DNASE1: variants seen among roughly 807,000 people sequenced by gnomAD.
The protein encoded by DNASE1 is deoxyribonuclease 1.
DNASE1 carries 40 observed loss-of-function variants against 33.9 expected under a neutral mutation model. The observed-to-expected ratio is 1.18, with a 90% CI of 0.92 to 1.54. DNASE1 has a LOEUF of 1.54. Ranked by LOEUF, DNASE1 falls within the 40% of genes most tolerant of loss-of-function variation. The pLI is 0.00. For missense variants in DNASE1, 518 were observed against 372.6 expected, an observed-to-expected ratio of 1.39 and a Z score of -3.21; for synonymous variants, 216 against 160.0, an observed-to-expected ratio of 1.35 and a Z score of -2.64.
At chr16:3,622,993 A>T (rs983156268) in intron 1 of DNASE1, among the ~76,000 whole-genome samples, 1 of 152,096 alleles carries the variant, frequency 6.6e-6, no homozygotes, top group Non-Finnish European at 1.5e-5. Flanking sequence ...AGAGCTTGAG[A>T]CCAGCCTCGG....
At chr16:3,653,103 AT>A (rs2042391655), upstream of DNASE1, 1 of 152,252 alleles carries the variant, frequency 6.6e-6, no homozygotes, top group Admixed American at 6.5e-5. Context: ...AGATAAGGAC[AT>A]CCTCCCTGCT....
intron 1 of DNASE1, among the ~76,000 whole-genome samples, chr16:3,626,714 A>C (rs546731334): frequency 1.3e-5 from 2 of 152,186 alleles, no homozygotes; most frequent in Non-Finnish European, 2.9e-5. Flanking sequence ...GAAGTGTTGA[A>C]GTCTCCAGCT....
At chr16:3,664,666 G>A (rs1014180992) in exon 10 of DNASE1, 1 of 567,072 alleles carries the variant, frequency 1.8e-6, no homozygotes, top group Non-Finnish European at 3.0e-6. Context: ...GGGGGCTTAG[G>A]AAGCACCTCC....
intron 1 of DNASE1, among the ~76,000 whole-genome samples, chr16:3,645,613 C>T (rs2042150112): frequency 6.6e-6 from 1 of 152,212 alleles, no homozygotes; most frequent in South Asian, 2.1e-4. Flanking sequence ...AGCCAACATG[C>T]CGTGGTTCAG....
chr16:3,637,991 G>A (rs2041921075), upstream of DNASE1, among the ~76,000 whole-genome samples: 1 of 152,122 alleles, frequency 6.6e-6, no homozygotes, highest in Admixed American at 6.6e-5. Context: ...AAGGATGGTA[G>A]TGACAACTTC....
rs368473363 is a variant in DNASE1, at chr16:3,619,568, A to G, written c.-1359+7562A>G. ...AGTAGAGACAGGGTTTCACCGTGTT[A>G]GCCAGGATGGTCTCTATCTGCGGAC... On this transcript the variant is annotated intron_variant and NMD_transcript_variant, in intron 1 of 11. Transcript: ENST00000570769. 1.3e-3 allele frequency among the ~76,000 whole-genome samples: 200 copies of G among 148,250 alleles called. 2 individuals carry two copies. Among genetic ancestry groups the G allele is most frequent in the South Asian group, 0.013 (59 of 4,624 alleles).
chr16:3,656,833 G>C (rs903228335), intron 5 of DNASE1, 80 bp downstream of exon 5: 2 of 1,543,932 alleles, frequency 1.3e-6, no homozygotes, highest in Non-Finnish European at 1.7e-6. Flanking sequence ...TGGAATGCCT[G>C]TGTCACACAC....
chr16:3,627,934 C>T (rs1331545971), intron 1 of DNASE1, among the ~76,000 whole-genome samples: 3 of 76,304 alleles, frequency 3.9e-5, no homozygotes, highest in Non-Finnish European at 7.4e-5. Context: ...TTTTCTATTT[C>T]TGCAAAAAAA....
At chr16:3,622,578 T>G (rs2041361037) in intron 1 of DNASE1, among the ~76,000 whole-genome samples, 1 of 152,190 alleles carries the variant, frequency 6.6e-6, no homozygotes, top group Non-Finnish European at 1.5e-5. Flanking sequence ...GTTACAATGT[T>G]ACAGATAGTT....
chr16:3,618,235 A>G (rs967894535), intron 1 of DNASE1, among the ~76,000 whole-genome samples: 18 of 151,492 alleles, frequency 1.2e-4, no homozygotes, highest in Admixed American at 2.6e-4. Flanking sequence ...CATGGCCAGT[A>G]GGACAGCCAT....
chr16:3,655,824 A>C, intron 2 of DNASE1, 25 bp from the exon 3 acceptor site: 2 of 1,612,640 alleles, frequency 1.2e-6, no homozygotes, highest in Non-Finnish European at 1.7e-6. Flanking sequence ...AGCCCTGCTC[A>C]GCACCACTGT....
chr16:3,658,885 A>G (rs772852447), downstream of DNASE1: 1 of 1,613,758 alleles, frequency 6.2e-7, no homozygotes, highest in Non-Finnish European at 8.5e-7. Context: ...AGAACCCACC[A>G]GAAAAAGCAG....
downstream of DNASE1, chr16:3,658,994 T>C (rs545114124): frequency 1.8e-5 from 16 of 870,932 alleles, no homozygotes; most frequent in South Asian, 1.2e-4. Context: ...AAATAAGGTA[T>C]GTTAATGATC....
At chr16:3,663,565 G>A (rs2050742912) in exon 10 of DNASE1, 3 of 1,613,570 alleles carry the variant, frequency 1.9e-6, no homozygotes, top group East Asian at 2.2e-5. Context: ...AAGAGAACCT[G>A]CAGGTGGCCA....
At chr16:3,623,619 C>G (rs536578478) in intron 1 of DNASE1, among the ~76,000 whole-genome samples, 1 of 151,812 alleles carries the variant, frequency 6.6e-6, no homozygotes, top group Admixed American at 6.6e-5. Flanking sequence ...AGGATCTCAA[C>G]AAGAAAAAAA....
chr16:3,662,018 G>T (rs923349313), downstream of DNASE1: 1 of 1,612,020 alleles, frequency 6.2e-7, no homozygotes, highest in Non-Finnish European at 8.5e-7. Context: ...GGCTGCAGGA[G>T]CTGTGCGCGC....
At chr16:3,631,475 G>A (rs748507147) in intron 1 of DNASE1, among the ~76,000 whole-genome samples, 7 of 152,000 alleles carry the variant, frequency 4.6e-5, no homozygotes, top group Non-Finnish European at 1.0e-4. Flanking sequence ...AAAGTGCTGA[G>A]ATTACAGGTG....
At chr16:3,662,787 G>A (rs1279578552), downstream of DNASE1, 1 of 1,168,294 alleles carries the variant, frequency 8.6e-7, no homozygotes, top group Non-Finnish European at 1.3e-6. Context: ...GCTGCTGGAA[G>A]GACACCCAAC....
chr16:3,625,032 G>C (rs953115900), intron 1 of DNASE1, among the ~76,000 whole-genome samples: 8 of 152,144 alleles, frequency 5.3e-5, no homozygotes, highest in Non-Finnish European at 1.2e-4. Context: ...GGGGGCCGGG[G>C]GCAGTGGCTC....
Sources: gnomAD v4.1 joint callset for allele counts (sites outside exome capture counted in the v4.1 genomes callset) on GRCh38, gnomAD v4.1.1 for gene constraint, MANE v1.5 for transcripts, NCBI Gene and HGNC (gene_info 2026-07-23, HGNC 2026-07-21) for gene names.